Variants in ADAM32 observed in about 807,000 individuals in gnomAD.
ADAM32 encodes the protein disintegrin and metalloproteinase domain-containing protein 32.
A neutral mutation model predicts 114.9 loss-of-function variants in ADAM32; 89 were observed. That is an observed-to-expected ratio of 0.77 (90% CI 0.65 to 0.92). The LOEUF is 0.92. ADAM32 is among the 40% of genes least tolerant of loss of function. The probability of loss-of-function intolerance (pLI) is 0.00; values close to 1 mark genes in which losing one functional copy is unlikely to be tolerated. For synonymous variants in ADAM32, 285 were observed against 307.5 expected, an observed-to-expected ratio of 0.93 and a Z score of 0.77; for missense variants, 870 against 932.8, an observed-to-expected ratio of 0.93 and a Z score of 0.88.
rs1421598798 is a variant in ADAM32 at position 39,160,506 on chromosome 8, C to CTA, written c.526-388_526-387dup. Among the ~76,000 whole-genome samples the CTA allele has an allele frequency of 5.7e-5, 7 of 123,658 alleles. No homozygotes were observed. In the East Asian group the frequency reaches 1.9e-3, roughly 33 times the overall value. 81.1% of individuals were successfully genotyped at this position (123,658 alleles called of 152,430 possible). A position where few individuals can be genotyped will look rare whatever the true frequency, so the allele number is the denominator to read the frequency against. ...AGTGAGCTGAGATCGCGCCACTGCA[C>CTA]TATAGCCTGGGCGACAGAGCGAGAC... On this transcript the variant is annotated intron_variant, in intron 6 of 24. Coordinates refer to ENST00000379907, the MANE Select transcript of ADAM32 (RefSeq NM_145004.7).
intron 1 of ADAM32, among the ~76,000 whole-genome samples, chr8:39,115,150 G>A (rs1432494558): frequency 6.6e-6 from 1 of 152,150 alleles, no homozygotes; most frequent in African/African-American, 2.4e-5. Flanking sequence ...CCATGTCTTT[G>A]CTATTGTGAA....
In ADAM32 at chr8:39,181,801, G is replaced by A. The variant is rs115419405; in HGVS notation, c.916-5108G>A. 5.4e-3 allele frequency among the ~76,000 whole-genome samples: 817 copies of A among 152,274 alleles called. 11 individuals carry two copies. Among genetic ancestry groups the A allele is most frequent in the African/African-American group, 0.019 (781 of 41,560 alleles). ...TCATGAATTGTTGGAGGTGCTAGAG[G>A]AGTAATCAGGAAAAAATGCAGATGA... On this transcript the variant is annotated intron_variant, in intron 10 of 24. Transcript: ENST00000379907.
At chr8:39,123,976 G>C (rs1343857549) in intron 2 of ADAM32, among the ~76,000 whole-genome samples, 2 of 151,700 alleles carry the variant, frequency 1.3e-5, no homozygotes, top group South Asian at 4.2e-4. Context: ...CAAAGTGCTG[G>C]GATTACAGGC....
intron 11 of ADAM32, among the ~76,000 whole-genome samples, chr8:39,200,444 T>G (rs1209824697): frequency 1.3e-5 from 1 of 74,152 alleles, no homozygotes; most frequent in Non-Finnish European, 3.0e-5. Flanking sequence ...TCTGTTCATC[T>G]CCTTCGCCCA....
chr8:39,227,817 A>G (rs748327968), intron 14 of ADAM32, among the ~76,000 whole-genome samples: 12 of 152,182 alleles, frequency 7.9e-5, no homozygotes, highest in Non-Finnish European at 1.6e-4. Flanking sequence ...GTCCCTCTCC[A>G]TACTACCACA....
chr8:39,246,494 G>A (rs530653519), intron 17 of ADAM32, among the ~76,000 whole-genome samples: 3 of 152,224 alleles, frequency 2.0e-5, no homozygotes, highest in African/African-American at 7.2e-5. Flanking sequence ...AATACACAGG[G>A]ATCATGAAAA....
chr8:39,155,361 G>A (rs1437385315), intron 6 of ADAM32, among the ~76,000 whole-genome samples: 1 of 152,194 alleles, frequency 6.6e-6, no homozygotes, highest in Non-Finnish European at 1.5e-5. Context: ...TCAATAGCCT[G>A]GATGGATGCA....
intron 19 of ADAM32, among the ~76,000 whole-genome samples, chr8:39,261,297 A>G (rs1022071368): frequency 1.3e-5 from 2 of 152,068 alleles, no homozygotes; most frequent in African/African-American, 2.4e-5. Flanking sequence ...TAGCTTCCAC[A>G]TATAAATGAG....
At chr8:39,201,400 G>C (rs1807393874) in intron 11 of ADAM32, among the ~76,000 whole-genome samples, 1 of 151,708 alleles carries the variant, frequency 6.6e-6, no homozygotes, top group South Asian at 2.1e-4. Flanking sequence ...TTGTGAATGG[G>C]AGTTCACTCA....
At chr8:39,108,030 TC>T in intron 1 of ADAM32, 197 bp downstream of exon 1, 1 of 677,142 alleles carries the variant, frequency 1.5e-6, no homozygotes, top group Non-Finnish European at 2.2e-6. Flanking sequence ...ACGCCTGTAA[TC>T]CCAGGGCTTT....
At chr8:39,272,422 G>T (rs1812792529) in intron 20 of ADAM32, among the ~76,000 whole-genome samples, 1 of 152,074 alleles carries the variant, frequency 6.6e-6, no homozygotes, top group South Asian at 2.1e-4. Context: ...ACATCACAGA[G>T]TGTACTTAAA....
intron 10 of ADAM32, among the ~76,000 whole-genome samples, chr8:39,181,897 G>A (rs550527580): frequency 1.3e-5 from 2 of 152,150 alleles, no homozygotes; most frequent in Non-Finnish European, 2.9e-5. Flanking sequence ...GTTGACAAGG[G>A]CTAGAGTGTG....
intron 24 of ADAM32, 29 bp downstream of exon 24, chr8:39,283,653 A>G (rs769307607): frequency 2.6e-6 from 4 of 1,544,680 alleles, no homozygotes; most frequent in Admixed American, 3.4e-5. Context: ...GTTTCTTAAA[A>G]TAAATACATG....
At position 39,246,019 on chromosome 8, in the gene ADAM32, T is replaced by G. The variant is rs1810893812; in HGVS notation, c.1819-64T>G. 6 of 1,223,626 alleles carry G rather than the reference T, an allele frequency of 4.9e-6. No individual in the cohort carries two copies. The Admixed American group carries it at 8.7e-5, about 18-fold the overall frequency. The allele number at this position is 1,223,626 out of a possible 1,614,324, so 75.8% of individuals were successfully genotyped here. A position where few individuals can be genotyped will look rare whatever the true frequency, so the allele number is the denominator to read the frequency against. On this transcript the variant is annotated intron_variant, in intron 16 of 24. Transcript: ENST00000379907. The stretch of plus-strand genomic sequence containing the variant: ...GCTTTTATATCATATAATTATTTAC[T>G]GTAATGTTATGATGACTGTACCCCT...
intron 14 of ADAM32, among the ~76,000 whole-genome samples, chr8:39,230,357 A>AC (rs1809658103): frequency 6.6e-6 from 1 of 152,208 alleles, no homozygotes; most frequent in Non-Finnish European, 1.5e-5. Flanking sequence ...AGAGCGTTTA[A>AC]GGGAGAAATT....
In ADAM32 at chr8:39,186,933, G is replaced by A. The variant is rs745952927; in HGVS notation, c.940G>A (p.Ala314Thr). 1.3e-4 allele frequency: 211 copies of A among 1,611,854 alleles called. No homozygotes were observed. Among genetic ancestry groups the A allele is most frequent in the Middle Eastern group, 3.3e-4 (2 of 6,076 alleles). Residue 314 changes from alanine to threonine, a missense_variant, in exon 11 of 25, where the codon GCA (alanine) becomes ACA (threonine). Transcript: ENST00000379907. ...GTACCCCAAGGAGATAACTCTGGAG[G>A]CATTTGCAGTTATTGTCACCCAGAT... The part of the protein sequence containing the change: ...ALYPKEITLE[A>T]FAVIVTQMLA...
intron 17 of ADAM32, among the ~76,000 whole-genome samples, chr8:39,249,120 G>T (rs1254489166): frequency 6.6e-6 from 1 of 151,932 alleles, no homozygotes; most frequent in Non-Finnish European, 1.5e-5. Context: ...TAGCCAGGAT[G>T]GTCTCGATCT....
intron 16 of ADAM32, among the ~76,000 whole-genome samples, chr8:39,244,041 C>T (rs1394001656): frequency 6.6e-6 from 1 of 152,048 alleles, no homozygotes; most frequent in Non-Finnish European, 1.5e-5. Flanking sequence ...ATGGTAGGTG[C>T]AACAAAACCC....
chr8:39,270,917 A>G lies in ADAM32; in HGVS notation c.2201+3A>G, dbSNP rs759368993. The G allele has an allele frequency of 1.2e-6, 2 of 1,607,828 alleles. No individual in the cohort carries two copies. Among genetic ancestry groups the G allele is most frequent in the Non-Finnish European group, 1.7e-6 (2 of 1,176,270 alleles). ...AGCACACAGACATATGCCAGCCAGT[A>G]AGTAGTTTAGAAGGTGTTTTTAAGA... On this transcript the variant is annotated splice_donor_region_variant and intron_variant, in intron 20 of 24. Transcript: ENST00000379907.
Sources: gnomAD v4.1 joint callset for allele counts (sites outside exome capture counted in the v4.1 genomes callset) on GRCh38, gnomAD v4.1.1 for gene constraint, MANE v1.5 for transcripts, NCBI Gene and HGNC (gene_info 2026-07-23, HGNC 2026-07-21) for gene names.